CAMKMT: variants seen among roughly 807,000 people sequenced by gnomAD.
The protein encoded by CAMKMT is CaM KMT.
A neutral mutation model predicts 48.0 loss-of-function variants in CAMKMT; 53 were observed. The ratio of observed to expected loss-of-function variants is 1.10; its 90% CI spans 0.89 to 1.39. The LOEUF is 1.39. Among genes scored for constraint, CAMKMT ranks in the 40% most tolerant of loss-of-function variants. The pLI is 0.00. For synonymous variants in CAMKMT, 165 were observed against 152.3 expected, an observed-to-expected ratio of 1.08 and a Z score of -0.61; for missense variants, 428 against 402.7, an observed-to-expected ratio of 1.06 and a Z score of -0.54.
At chr2:44,689,610 T>C (rs1184371719) in intron 3 of CAMKMT, among the ~76,000 whole-genome samples, 2 of 152,180 alleles carry the variant, frequency 1.3e-5, no homozygotes, top group Non-Finnish European at 2.9e-5. Context: ...TTTTCCACTG[T>C]GGGAAGGACA....
intron 3 of CAMKMT, among the ~76,000 whole-genome samples, chr2:44,485,174 C>T (rs989298884): frequency 6.6e-6 from 1 of 152,120 alleles, no homozygotes. Flanking sequence ...GTATATGCAT[C>T]CTGTTTCCTG....
At chr2:44,591,614 G>T (rs1263482861) in intron 3 of CAMKMT, among the ~76,000 whole-genome samples, 6 of 151,962 alleles carry the variant, frequency 3.9e-5, no homozygotes, top group African/African-American at 7.3e-5. Context: ...CACTGTTGGT[G>T]GGACTGTAAA....
intron 3 of CAMKMT, among the ~76,000 whole-genome samples, chr2:44,668,973 G>A (rs909077049): frequency 4.6e-5 from 7 of 151,982 alleles, no homozygotes; most frequent in Non-Finnish European, 7.4e-5. Flanking sequence ...AGTAGAGGCA[G>A]GGTTTCACCA....
At chr2:44,500,445 A>T (rs1458696137) in intron 3 of CAMKMT, among the ~76,000 whole-genome samples, 1 of 152,124 alleles carries the variant, frequency 6.6e-6, no homozygotes, top group South Asian at 2.1e-4. Flanking sequence ...ATTATTTAAA[A>T]GATTTTTGTT....
intron 3 of CAMKMT, among the ~76,000 whole-genome samples, chr2:44,564,287 T>A (rs1288778371): frequency 1.3e-5 from 2 of 151,758 alleles, no homozygotes; most frequent in Non-Finnish European, 2.9e-5. Flanking sequence ...GCGATTCTCC[T>A]GCCTCAGCCT....
intron 3 of CAMKMT, among the ~76,000 whole-genome samples, chr2:44,508,106 C>G (rs1305659844): frequency 6.6e-6 from 1 of 152,172 alleles, no homozygotes; most frequent in Non-Finnish European, 1.5e-5. Flanking sequence ...ATGACCTTGT[C>G]TTGAACAAGT....
chr2:44,485,518 T>C (rs1558650325), intron 3 of CAMKMT, among the ~76,000 whole-genome samples: 1 of 152,166 alleles, frequency 6.6e-6, no homozygotes, highest in Admixed American at 6.5e-5. Flanking sequence ...GGCAATTTTG[T>C]TGTGCGAACA....
chr2:44,555,119 A>C (rs1027835963), intron 3 of CAMKMT, among the ~76,000 whole-genome samples: 3 of 152,212 alleles, frequency 2.0e-5, no homozygotes, highest in African/African-American at 7.2e-5. Flanking sequence ...AAGTAAGCAG[A>C]AACCATATTA....
chr2:44,763,786 C>G (rs2104402706), intron 9 of CAMKMT, among the ~76,000 whole-genome samples: 1 of 152,304 alleles, frequency 6.6e-6, no homozygotes, highest in Non-Finnish European at 1.5e-5. Flanking sequence ...CTTACCCCAA[C>G]CAGGGCATGT....
chr2:44,760,103 C>T (rs1680556667), intron 9 of CAMKMT, among the ~76,000 whole-genome samples: 1 of 152,064 alleles, frequency 6.6e-6, no homozygotes, highest in African/African-American at 2.4e-5. Context: ...CATAGTTTAG[C>T]AGGACAGATG....
chr2:44,528,182 T>C (rs1019326147), intron 3 of CAMKMT, among the ~76,000 whole-genome samples: 2 of 152,116 alleles, frequency 1.3e-5, no homozygotes, highest in African/African-American at 4.8e-5. Context: ...ATATAAGCAT[T>C]TTTTTTCTTT....
chr2:44,766,347 A>G (rs1680840195), intron 9 of CAMKMT, 83 bp from the exon 10 acceptor site: 2 of 1,479,506 alleles, frequency 1.4e-6, no homozygotes, highest in Non-Finnish European at 1.9e-6. Context: ...TGAGAGCAGT[A>G]CATTAAATGC....
intron 1 of CAMKMT, among the ~76,000 whole-genome samples, chr2:44,362,683 C>G (rs1428762014): frequency 2.0e-5 from 3 of 152,190 alleles, no homozygotes; most frequent in Non-Finnish European, 2.9e-5. Context: ...CTGATACCCT[C>G]TCTCACTGAG....
chr2:44,704,319 G>T lies in CAMKMT; in HGVS notation c.413G>T (p.Cys138Phe). Reference sequence around the variant, plus strand: ...TCTGAAGAGGTTTTGGCTTACTACTGCCTCAAGCACAATAATATATTCAGG... The same window carrying T: ...TCTGAAGAGGTTTTGGCTTACTACTTCCTCAAGCACAATAATATATTCAGG... Reference protein sequence around the residue: ...WPSEEVLAYYCLKHNNIFRAL... With the variant: ...WPSEEVLAYYFLKHNNIFRAL... Residue 138 changes from cysteine to phenylalanine, a missense_variant, in exon 4 of 11, where the codon TGC (cysteine) becomes TTC (phenylalanine). Cys to Phe is a radical substitution (Grantham distance 205). Coordinates refer to ENST00000378494, the MANE Select transcript of CAMKMT (RefSeq NM_024766.5). 1 of 1,609,920 alleles carries T rather than the reference G, an allele frequency of 6.2e-7. No homozygotes were observed. The highest frequency in any genetic ancestry group is 8.5e-7 in the Non-Finnish European group (1 of 1,177,756).
intron 8 of CAMKMT, among the ~76,000 whole-genome samples, chr2:44,746,097 C>G (rs1222601117): frequency 1.3e-5 from 2 of 152,202 alleles, no homozygotes; most frequent in African/African-American, 4.8e-5. Flanking sequence ...AAATAGATCA[C>G]ATTAAGTCTC....
intron 3 of CAMKMT, among the ~76,000 whole-genome samples, chr2:44,420,607 G>T (rs956443534): frequency 6.6e-6 from 1 of 151,650 alleles, no homozygotes; most frequent in Admixed American, 6.6e-5. Flanking sequence ...TGTGAAAACT[G>T]TCCAGGAGTC....
chr2:44,672,362 G>C (rs373831135), intron 3 of CAMKMT, among the ~76,000 whole-genome samples: 1 of 152,088 alleles, frequency 6.6e-6, no homozygotes, highest in East Asian at 1.9e-4. Flanking sequence ...ATTTCAATTT[G>C]AAATGCCACT....
At chr2:44,453,765 A>G (rs1297282578) in intron 3 of CAMKMT, among the ~76,000 whole-genome samples, 2 of 152,126 alleles carry the variant, frequency 1.3e-5, no homozygotes, top group Non-Finnish European at 2.9e-5. Context: ...AATTACTGAA[A>G]CATCATTTCT....
intron 3 of CAMKMT, among the ~76,000 whole-genome samples, chr2:44,518,305 A>G (rs1047987115): frequency 3.9e-5 from 6 of 152,130 alleles, no homozygotes; most frequent in African/African-American, 1.4e-4. Flanking sequence ...TGGCATAACT[A>G]TTTGCATTAT....
Sources: allele counts gnomAD v4.1 joint callset (sites outside exome capture counted in the v4.1 genomes callset), GRCh38; gene constraint gnomAD v4.1.1; transcripts MANE v1.5; gene names NCBI Gene and HGNC (gene_info 2026-07-23, HGNC 2026-07-21).